Variants in SHB observed in about 807,000 individuals in gnomAD.
SHB encodes the protein SH2 domain-containing adapter protein B.
Under a neutral mutation model 52.3 loss-of-function variants are expected in SHB, and 20 were observed. The observed-to-expected ratio is 0.38, with a 90% CI of 0.27 to 0.56. The LOEUF is 0.56. Ranked by LOEUF, SHB falls within the 20% of genes least tolerant of loss-of-function variation. SHB has a pLI of 0.71. For missense variants in SHB, 825 were observed against 723.3 expected, an observed-to-expected ratio of 1.14 and a Z score of -1.61; for synonymous variants, 397 against 316.5, an observed-to-expected ratio of 1.25 and a Z score of -2.70.
intron 2 of SHB, among the ~76,000 whole-genome samples, chr9:37,982,982 T>A (rs199879623): frequency 9.2e-4 from 75 of 81,318 alleles, no homozygotes; most frequent in Non-Finnish European, 1.4e-3. Context: ...TGCCCCCCCC[T>A]CCATCTTTTC....
intron 2 of SHB, among the ~76,000 whole-genome samples, chr9:38,012,603 C>G (rs1447069664): frequency 1.3e-5 from 2 of 151,906 alleles, no homozygotes; most frequent in African/African-American, 4.8e-5. Flanking sequence ...GCTAGAAGCA[C>G]TAATGACTGC....
intron 5 of SHB, among the ~76,000 whole-genome samples, chr9:37,932,660 G>A (rs908038717): frequency 6.6e-6 from 1 of 151,928 alleles, no homozygotes; most frequent in Admixed American, 6.6e-5. Flanking sequence ...CGCCCAGGCT[G>A]GAGAGCAGTG....
At chr9:38,015,515 C>A (rs1289246121) in intron 2 of SHB, 1 of 699,302 alleles carries the variant, frequency 1.4e-6, no homozygotes, top group Non-Finnish European at 2.6e-6. Flanking sequence ...ATGCTGCTTC[C>A]AGCTCCAAAA....
At chr9:37,945,551 C>T (rs1378646551) in intron 5 of SHB, among the ~76,000 whole-genome samples, 1 of 152,244 alleles carries the variant, frequency 6.6e-6, no homozygotes, top group Admixed American at 6.5e-5. Context: ...GTGAGAACAA[C>T]CCCGGCCTTT....
chr9:38,013,388 ATTGC>A, intron 2 of SHB, among the ~76,000 whole-genome samples: 2 of 152,192 alleles, frequency 1.3e-5, no homozygotes, highest in East Asian at 3.9e-4. Flanking sequence ...TGGTGGGAGG[ATTGC>A]TTCAGTCCAG....
intron 1 of SHB, among the ~76,000 whole-genome samples, chr9:38,018,566 A>C (rs1004175553): frequency 2.4e-4 from 36 of 152,340 alleles, no homozygotes; most frequent in African/African-American, 7.5e-4. Context: ...AAGTTCCTAA[A>C]ATGTATATTT....
intron 4 of SHB, among the ~76,000 whole-genome samples, chr9:37,951,067 G>T (rs1832561192): frequency 6.6e-6 from 1 of 152,198 alleles, no homozygotes. Context: ...ATGAGGCAGA[G>T]CTCAACAGTT....
intron 2 of SHB, among the ~76,000 whole-genome samples, chr9:38,002,691 G>C (rs1453127219): frequency 6.6e-6 from 1 of 152,182 alleles, no homozygotes; most frequent in African/African-American, 2.4e-5. Context: ...AAGATTTCCA[G>C]AGAGGGGAAA....
chr9:38,046,657 CA>C (rs1821655997), intron 1 of SHB, among the ~76,000 whole-genome samples: 2 of 152,192 alleles, frequency 1.3e-5, no homozygotes, highest in African/African-American at 2.4e-5. Context: ...ACAAACTTGC[CA>C]GGGGCAGGAC....
chr9:37,928,965 G>A (rs1832281806), intron 5 of SHB, among the ~76,000 whole-genome samples: 1 of 152,252 alleles, frequency 6.6e-6, no homozygotes, highest in Non-Finnish European at 1.5e-5. Context: ...CTGCCGAGGG[G>A]AGGACTTGGA....
chr9:38,029,434 T>C (rs1274327727), intron 1 of SHB, among the ~76,000 whole-genome samples: 1 of 152,212 alleles, frequency 6.6e-6, no homozygotes, highest in Non-Finnish European at 1.5e-5. Flanking sequence ...TTTCCTCATT[T>C]ATAAAATGAG....
rs1564078446 is a variant in SHB, at chr9:37,918,428, T to TCC, written c.*1392_*1393insGG. Among the ~76,000 whole-genome samples, 1 of 107,854 alleles carries TCC rather than the reference T, an allele frequency of 9.3e-6. No individual in the cohort carries two copies. The highest frequency in any genetic ancestry group is 8.8e-5 in the Admixed American group (1 of 11,404). 70.8% of individuals were successfully genotyped at this position (107,854 alleles called of 152,430 possible). The stretch of plus-strand genomic sequence containing the variant: ...AGTGTGGACCACTGAGGGCTGTGTG[T>TCC]GTGTGTGTGTGTGTGTGTAGGTGTT... On this transcript the variant is annotated 3_prime_UTR_variant, in exon 6 of 6. Coordinates refer to ENST00000377707, the MANE Select transcript of SHB (RefSeq NM_003028.3).
intron 1 of SHB, among the ~76,000 whole-genome samples, chr9:38,023,438 C>T (rs1381816222): frequency 1.3e-5 from 2 of 152,176 alleles, no homozygotes; most frequent in Admixed American, 1.3e-4. Context: ...GAGCAGATGG[C>T]ACCTCCAGGA....
At chr9:38,048,783 C>G (rs1212663520) in intron 1 of SHB, among the ~76,000 whole-genome samples, 1 of 152,180 alleles carries the variant, frequency 6.6e-6, no homozygotes, top group East Asian at 1.9e-4. Context: ...TAGCCACTTC[C>G]CATGGCTGGA....
At chr9:38,043,821 G>A (rs1340108763) in intron 1 of SHB, among the ~76,000 whole-genome samples, 3 of 152,080 alleles carry the variant, frequency 2.0e-5, no homozygotes, top group African/African-American at 7.2e-5. Context: ...CCCGGGAGGT[G>A]GAGGTTGAGG....
intron 3 of SHB, among the ~76,000 whole-genome samples, chr9:37,956,634 C>T (rs565557063): frequency 1.3e-5 from 2 of 152,326 alleles, no homozygotes; most frequent in South Asian, 4.1e-4. Context: ...AAGGGCCATT[C>T]CACATGCTCT....
Position 38,059,600 on chromosome 9 carries a change from T to C in SHB, c.717+8329A>G, listed in dbSNP as rs1204830240. ...AAACAGGAAGAGAAGGAAAATTCCA[T>C]TGTGGAAGCAAGGTCCTCTGTCGAT... is the stretch of plus-strand genomic sequence containing the variant. On this transcript the variant is annotated intron_variant, in intron 1 of 5. Coordinates refer to ENST00000377707, the MANE Select transcript of SHB (RefSeq NM_003028.3). 3.3e-5 allele frequency among the ~76,000 whole-genome samples: 5 copies of C among 152,174 alleles called. No homozygotes were observed. In the South Asian group the frequency reaches 6.2e-4, roughly 19 times the overall value.
intron 1 of SHB, among the ~76,000 whole-genome samples, chr9:38,045,582 G>C (rs1175119726): frequency 6.6e-6 from 1 of 152,126 alleles, no homozygotes; most frequent in Non-Finnish European, 1.5e-5. Context: ...CTGCGCTTCA[G>C]CCTGGACAAC....
At chr9:37,983,802 C>T (rs2117993602) in intron 2 of SHB, among the ~76,000 whole-genome samples, 1 of 152,374 alleles carries the variant, frequency 6.6e-6, no homozygotes, top group Admixed American at 6.5e-5. Context: ...GTAGATTAGG[C>T]TCAGGGCCCC....
Sources: allele counts gnomAD v4.1 joint callset (sites outside exome capture counted in the v4.1 genomes callset), GRCh38; gene constraint gnomAD v4.1.1; transcripts MANE v1.5; gene names NCBI Gene and HGNC (gene_info 2026-07-23, HGNC 2026-07-21).